Variants in ZNF512B observed in about 807,000 individuals in gnomAD.
ZNF512B encodes zinc finger protein 512B.
In ZNF512B, 22 loss-of-function variants were observed where a neutral mutation model predicts 87.8. That is an observed-to-expected ratio of 0.25 (90% CI 0.18 to 0.36). The LOEUF (loss-of-function observed/expected upper bound fraction) is 0.36. Among genes scored for constraint, ZNF512B ranks in the 10% least tolerant of loss-of-function variants. The pLI is 1.00. For missense variants in ZNF512B, 1,060 were observed against 1,231.6 expected (o/e 0.86, Z 2.09); for synonymous variants, 524 against 490.9 (o/e 1.07, Z -0.89).
At chr20:63,967,156 G>T in intron 3 of ZNF512B, 152 bp from the exon 4 acceptor site, 1 of 1,340,208 alleles carries the variant, frequency 7.5e-7, no homozygotes, top group Non-Finnish European at 1.0e-6. Context: ...CAAGCCACCT[G>T]GCAGGGGCCA....
At chr20:63,963,558 G>A (rs2058881322) in intron 10 of ZNF512B, 60 bp downstream of exon 10, 4 of 1,602,824 alleles carry the variant, frequency 2.5e-6, no homozygotes, top group Non-Finnish European at 3.4e-6. Context: ...GGGCACTGCG[G>A]TGAAGGTGGG....
intron 1 of ZNF512B, 35 bp from the exon 2 acceptor site, chr20:63,967,987 G>A (rs576440103): frequency 1.2e-5 from 19 of 1,582,284 alleles, no homozygotes; most frequent in East Asian, 4.5e-5. Flanking sequence ...GAAGCCTGAC[G>A]GGCCCCACTT....
chr20:63,967,993 C>T (rs1006217266), intron 1 of ZNF512B, 41 bp from the exon 2 acceptor site: 7 of 1,578,236 alleles, frequency 4.4e-6, no homozygotes, highest in Non-Finnish European at 6.1e-6. Flanking sequence ...TGACGGGCCC[C>T]ACTTGGAACA....
intron 3 of ZNF512B, 68 bp downstream of exon 3, chr20:63,967,313 C>T: frequency 1.3e-6 from 2 of 1,523,926 alleles, no homozygotes; most frequent in Non-Finnish European, 1.8e-6. Flanking sequence ...GAGGACAAAT[C>T]AGGGCAGGGC....
Position 63,962,778 on chromosome 20 carries a change from G to C in ZNF512B, c.1972C>G (p.Pro658Ala). 6.3e-7 allele frequency: 1 copy of C among 1,593,522 alleles called. No individual in the cohort carries two copies. The highest frequency in any genetic ancestry group is 8.6e-7 in the Non-Finnish European group (1 of 1,169,424). Residue 658 changes from proline (P) to alanine (A), a missense_variant, in exon 13 of 17, where the codon CCT becomes GCT. Pro to Ala is a conservative substitution (Grantham distance 27, BLOSUM62 -1). Coordinates refer to ENST00000369888, the MANE Select transcript of ZNF512B (RefSeq NM_020713.3). ...GGGGACTTGTCTGTGGGCTCCTCAG[G>C]GGGCTGGAGGGCAGGAAGGCATGGA... ...HVRSEHTAPP[P>A]EEPTDKSPEA...
rs2058828024 is a variant in ZNF512B, at chr20:63,959,654, T to TTGCACTTC, written c.*226_*233dup. On this transcript the variant is annotated 3_prime_UTR_variant, in exon 17 of 17. Transcript: ENST00000369888. ...TGAGGAGGGGCAACCCTCCTGGCTA[T>TTGCACTTC]TGCACTTCTGCTGGGCACACCTTGG... 16 of 566,420 alleles carry TTGCACTTC rather than the reference T, an allele frequency of 2.8e-5. No homozygotes were observed. The South Asian group carries it at 4.6e-4, about 16-fold the overall frequency. The allele number at this position is 566,420 out of a possible 1,614,324, so 35.1% of individuals were successfully genotyped here.
intron 5 of ZNF512B, 125 bp from the exon 6 acceptor site, chr20:63,964,841 C>T (rs111319089): frequency 0.069 from 72,344 of 1,053,476 alleles, 4,504 homozygotes; most frequent in Non-Finnish European, 0.082. Context: ...CACTGTTCCC[C>T]GACCTGGGAC....
Position 63,961,980 on chromosome 20 carries a change from C to G in ZNF512B, c.2290G>C (p.Val764Leu), listed in dbSNP as rs768660385. The G allele has an allele frequency of 2.6e-6, 4 of 1,550,920 alleles. No homozygotes were observed. Among genetic ancestry groups the G allele is most frequent in the South Asian group, 1.2e-5 (1 of 84,068 alleles). ...GCGAGATGAGCCTTGAGTCCGGACA[C>G]GCTGGAGTAGATGGCTTCACAGCAC... ...NDCCEAIYSS[V>L]SGLKAHLASC... Residue 764 changes from valine (V) to leucine (L), a missense_variant, in exon 15 of 17, where the codon GTG becomes CTG. Physicochemically the swap from Val to Leu is conservative, Grantham distance 32. This residue lies in a region of ZNF512B where 253 missense variants were observed against 259.2 expected (regional missense o/e 0.98). Transcript: ENST00000369888. This position sits in a 1 kb window ranked among gnomAD's most constrained non-coding sequence, Gnocchi z 6.4.
At position 63,963,330 on chromosome 20, in the gene ZNF512B, C is replaced by T. The variant is rs981982620; in HGVS notation, c.1797+12G>A. ...GCCCCCCCACCCCACACTGCCGCGG[C>T]CCCCCACTGACCTCCTGGGGGCAGC... On this transcript the variant is annotated intron_variant, in intron 11 of 16. Transcript: ENST00000369888. The T allele has an allele frequency of 2.7e-6, 4 of 1,504,410 alleles. No individual in the cohort carries two copies. Among genetic ancestry groups the T allele is most frequent in the South Asian group, 2.4e-5 (2 of 82,746 alleles). 93.2% of individuals were successfully genotyped at this position (1,504,410 alleles called of 1,614,324 possible).
intron 10 of ZNF512B, 78 bp downstream of exon 10, chr20:63,963,539 AG>A: frequency 6.3e-7 from 1 of 1,597,580 alleles, no homozygotes; most frequent in Non-Finnish European, 8.5e-7. Context: ...GTCCGAGGTT[AG>A]AAACCGGGGG....
chr20:63,961,327 G>T lies in ZNF512B; in HGVS notation c.2409C>A (p.Ile803=), dbSNP rs777928536. The T allele has an allele frequency of 6.2e-7, 1 of 1,612,704 alleles. No individual in the cohort carries two copies. ...FSSESGVKYH[I]LKTHAENWFR... ...CTCGCACCTCTGCGTGGGTCTTCAG[G>T]ATGTGGTATTTGACGCCACTCTCAG... Residue 803 remains isoleucine, a synonymous_variant, in exon 16 of 17, where the codon ATC becomes ATA. Transcript: ENST00000369888. The surrounding 1 kb of genome is among the most constrained non-coding windows in gnomAD (Gnocchi z 6.4).
At chr20:63,968,693 C>G (rs2058952021) in intron 1 of ZNF512B, among the ~76,000 whole-genome samples, 1 of 152,320 alleles carries the variant, frequency 6.6e-6, no homozygotes, top group South Asian at 2.1e-4. Flanking sequence ...GGCTGACCCG[C>G]CCCCCACCTC....
rs778349465 is a variant in ZNF512B at position 63,967,918 on chromosome 20, C to A, written c.33G>T (p.Arg11=). Residue 11 remains arginine (R), a synonymous_variant, in exon 2 of 17, where the codon CGG becomes CGT. Transcript: ENST00000369888. MTDPFCVGGR[R]LPGSSKSGPG... Reference sequence around the variant, plus strand: ...GACCACTCTTGCTGGACCCCGGGAGCCGACGGCCTCCAACGCAGAAAGGAT... The same window carrying A: ...GACCACTCTTGCTGGACCCCGGGAGACGACGGCCTCCAACGCAGAAAGGAT... 1.2e-6 allele frequency: 2 copies of A among 1,612,434 alleles called. No individual in the cohort carries two copies. The highest frequency in any genetic ancestry group is 3.3e-5 in the Admixed American group (2 of 60,016).
Position 63,963,599 on chromosome 20 carries a change from GC to G in ZNF512B, c.1698+18del. Reference sequence around the variant, plus strand: ...AGGTCAGAGGTCACGCTGGACGGGAGCTGGGGGCCCGACGGTACCTTGGCAC... The same window carrying G: ...AGGTCAGAGGTCACGCTGGACGGGAGTGGGGGCCCGACGGTACCTTGGCAC... On this transcript the variant is annotated intron_variant, in intron 10 of 16. Transcript: ENST00000369888. The G allele has an allele frequency of 6.2e-7, 1 of 1,612,838 alleles. No homozygotes were observed. Among genetic ancestry groups the G allele is most frequent in the Non-Finnish European group, 8.5e-7 (1 of 1,179,808 alleles).
In ZNF512B at chr20:63,966,321, G is replaced by A. The variant is rs373877494; in HGVS notation, c.854C>T (p.Thr285Met). Residue 285 changes from threonine (T) to methionine (M), a missense_variant, in exon 5 of 17, where the codon ACG (threonine) becomes ATG (methionine). Coordinates refer to ENST00000369888, the MANE Select transcript of ZNF512B (RefSeq NM_020713.3). ...TGGCTTGGTGACCGGCACGGGTTTC[G>A]TAACTGTCACAAGCTTTGTTACCGT... is the stretch of plus-strand genomic sequence containing the variant. ...PITVTKLVTVTKPVPVTKPVT... is the reference protein window; with the variant it reads ...PITVTKLVTVMKPVPVTKPVT... 32 of 1,594,642 alleles carry A rather than the reference G, an allele frequency of 2.0e-5. No individual in the cohort carries two copies. The highest frequency in any genetic ancestry group is 6.7e-5 in the South Asian group (6 of 89,500).
At position 63,959,694 on chromosome 20, in the gene ZNF512B, G is replaced by A; in HGVS notation, c.*194C>T. ...GCACACCTTGGGGAGCCCCAACCCAGGTGTGCCCTGTGGCAGCCTTAACAG... is the reference window on the plus strand; with the variant it reads ...GCACACCTTGGGGAGCCCCAACCCAAGTGTGCCCTGTGGCAGCCTTAACAG... On this transcript the variant is annotated 3_prime_UTR_variant, in exon 17 of 17. Coordinates refer to ENST00000369888, the MANE Select transcript of ZNF512B (RefSeq NM_020713.3). The A allele has an allele frequency of 1.2e-6, 1 of 825,338 alleles. No homozygotes were observed. The highest frequency in any genetic ancestry group is 1.8e-6 in the Non-Finnish European group (1 of 552,454). 51.1% of individuals were successfully genotyped at this position (825,338 alleles called of 1,614,324 possible). A position where few individuals can be genotyped will look rare whatever the true frequency, so the allele number is the denominator to read the frequency against.
chr20:63,963,569 G>A, intron 10 of ZNF512B, 49 bp downstream of exon 10: 3 of 1,606,026 alleles, frequency 1.9e-6, no homozygotes, highest in Non-Finnish European at 2.6e-6. Context: ...TGAAGGTGGG[G>A]TGCGAGGTCA....
chr20:63,966,455 G>A lies in ZNF512B; in HGVS notation c.720C>T (p.Val240=). ...TGACGGGCATGGGCCTGCTGACTGT[G>A]ACAGGTTTGGTGACTGGCACGGGCC... ...VTRPVPVTKP[V]TVSRPMPVTK... Residue 240 remains valine, a synonymous_variant, in exon 5 of 17, where the codon GTC becomes GTT. Transcript: ENST00000369888. 1.2e-6 allele frequency: 2 copies of A among 1,614,070 alleles called. No homozygotes were observed. Among genetic ancestry groups the A allele is most frequent in the Admixed American group, 1.7e-5 (1 of 60,020 alleles).
chr20:63,963,212 G>A lies in ZNF512B; in HGVS notation c.1851C>T (p.Arg617=). The change falls in exon 12 of 17, where the codon CGC becomes CGT. Residue 617 remains arginine, a synonymous_variant. Transcript: ENST00000369888. ...CCACCTCGCAGGGCGGCTTCCCGCA[G>A]CGCCGCTGGTGGTACTGGTAGCCCA... ...SLMGYQYHQR[R]CGKPPCEVDS... 6.5e-7 allele frequency: 1 copy of A among 1,546,908 alleles called. No individual in the cohort carries two copies. Among genetic ancestry groups the A allele is most frequent in the South Asian group, 1.2e-5 (1 of 84,492 alleles).
Sources: allele counts gnomAD v4.1 joint callset (sites outside exome capture counted in the v4.1 genomes callset), GRCh38; gene constraint gnomAD v4.1.1; regional missense constraint gnomAD v4.1.1; non-coding constraint Gnocchi (gnomAD v3.1); transcripts MANE v1.5; gene names NCBI Gene and HGNC (gene_info 2026-07-23, HGNC 2026-07-21).